TIMM23B: variants seen among roughly 807,000 people sequenced by gnomAD.
TIMM23B encodes mitochondrial import inner membrane translocase subunit Tim23B.
TIMM23B carries 27 observed loss-of-function variants against 27.3 expected under a neutral mutation model. The observed-to-expected ratio is 0.99, with a 90% CI of 0.73 to 1.36. The LOEUF (loss-of-function observed/expected upper bound fraction) is 1.36. TIMM23B is among the 40% of genes most tolerant of loss of function. TIMM23B has a pLI of 0.00. For missense variants in TIMM23B, 205 were observed against 244.2 expected (o/e 0.84, Z 1.07); for synonymous variants, 73 against 92.4 (o/e 0.79, Z 1.21).
At chr10:49,960,748 GGAAA>G (rs1839869554) in intron 6 of TIMM23B, among the ~76,000 whole-genome samples, 1 of 151,912 alleles carries the variant, frequency 6.6e-6, no homozygotes, top group African/African-American at 2.4e-5. Flanking sequence ...TCTAGAAAAG[GGAAA>G]GAAGTAATAA....
intron 2 of TIMM23B, among the ~76,000 whole-genome samples, chr10:49,951,872 A>G (rs1839541231): frequency 6.6e-6 from 1 of 152,238 alleles, no homozygotes; most frequent in Non-Finnish European, 1.5e-5. Flanking sequence ...ACTTTTGCAC[A>G]AATCTATCAG....
rs1409795807 is a variant in TIMM23B, at chr10:49,952,187, C to T, written c.227C>T (p.Ala76Val). Residue 76 changes from alanine (A) to valine (V), a missense_variant, in exon 3 of 7, where the codon GCC becomes GTC. Physicochemically the swap from Ala to Val is moderately conservative, Grantham distance 64 (BLOSUM62 0). Transcript: ENST00000651259. ...ANKTWGRFEL[A>V]FFTIGGCCMT... Reference sequence around the variant, plus strand: ...AAAACCTGGGGCAGATTTGAGCTGGCCTTCTTTACGATTGGAGGGTGTTGC... The same window carrying T: ...AAAACCTGGGGCAGATTTGAGCTGGTCTTCTTTACGATTGGAGGGTGTTGC... 2.7e-5 allele frequency: 44 copies of T among 1,605,626 alleles called. No individual in the cohort carries two copies. In the South Asian group the frequency reaches 4.8e-4, roughly 18 times the overall value.
chr10:49,955,279 A>T (rs1475689116), intron 5 of TIMM23B, among the ~76,000 whole-genome samples: 1 of 152,218 alleles, frequency 6.6e-6, no homozygotes. Flanking sequence ...CCATTTCTGA[A>T]TTTTTAAAAT....
In TIMM23B at chr10:49,955,079, T is replaced by G; in HGVS notation, c.403+19T>G. 1.9e-6 allele frequency: 3 copies of G among 1,610,522 alleles called. No individual in the cohort carries two copies. Among genetic ancestry groups the G allele is most frequent in the Non-Finnish European group, 2.5e-6 (3 of 1,177,092 alleles). ...TCTCTGGGTAAGTAGAGATCTCGTT[T>G]GATAATAAATTGTTAACTTAAAGAA... On this transcript the variant is annotated intron_variant, in intron 5 of 6. Coordinates refer to ENST00000651259, the MANE Select transcript of TIMM23B (RefSeq NM_001290117.2).
At chr10:49,969,915 T>C (rs28434100) in intron 6 of TIMM23B, 36 of 161,110 alleles carry the variant, frequency 2.2e-4, no homozygotes, top group African/African-American at 8.2e-4. Flanking sequence ...CTCAGCCTGC[T>C]GAGTGCCTGC....
intron 2 of TIMM23B, among the ~76,000 whole-genome samples, chr10:49,950,049 T>C (rs1473850145): frequency 6.6e-6 from 1 of 152,156 alleles, no homozygotes; most frequent in Non-Finnish European, 1.5e-5. Flanking sequence ...ACTACTCTTA[T>C]ATCCTCATTG....
intron 4 of TIMM23B, among the ~76,000 whole-genome samples, chr10:49,954,660 A>G (rs1162948431): frequency 4.0e-5 from 6 of 151,400 alleles, no homozygotes; most frequent in Non-Finnish European, 8.8e-5. Flanking sequence ...GATACATTCC[A>G]GGCTGTCATT....
intron 6 of TIMM23B, among the ~76,000 whole-genome samples, chr10:49,961,530 C>T (rs1166617523): frequency 6.6e-6 from 1 of 151,882 alleles, no homozygotes; most frequent in Non-Finnish European, 1.5e-5. Context: ...CTGTCCTGGG[C>T]TCCCTCACCA....
intron 6 of TIMM23B, among the ~76,000 whole-genome samples, chr10:49,967,485 T>C (rs868913744): frequency 1.3e-3 from 191 of 150,994 alleles, no homozygotes; most frequent in South Asian, 0.011. Flanking sequence ...GTTAGAGTGA[T>C]TTCAGTGTTT....
intron 6 of TIMM23B, among the ~76,000 whole-genome samples, chr10:49,969,063 A>G (rs1464144076): frequency 6.6e-6 from 1 of 150,470 alleles, no homozygotes; most frequent in Non-Finnish European, 1.5e-5. Flanking sequence ...TTGGTATTTT[A>G]TTTTCACCTA....
intron 5 of TIMM23B, 99 bp downstream of exon 5, chr10:49,955,159 A>T: frequency 8.3e-7 from 1 of 1,206,404 alleles, no homozygotes; most frequent in Non-Finnish European, 1.2e-6. Context: ...GTCCTAGGAT[A>T]TGAGACAATT....
intron 6 of TIMM23B, among the ~76,000 whole-genome samples, chr10:49,963,430 A>G (rs2813130): frequency 6.6e-6 from 1 of 152,046 alleles, no homozygotes; most frequent in Admixed American, 6.5e-5. Flanking sequence ...GTGCACTCCA[A>G]CCTGGGCAAT....
At chr10:49,944,133 G>A (rs1475692877) in intron 1 of TIMM23B, among the ~76,000 whole-genome samples, 1 of 152,300 alleles carries the variant, frequency 6.6e-6, no homozygotes, top group Admixed American at 6.5e-5. Flanking sequence ...GGGAATGACA[G>A]CTAATGTAGG....
chr10:49,957,699 C>T (rs1277424929), intron 5 of TIMM23B, among the ~76,000 whole-genome samples: 1 of 152,202 alleles, frequency 6.6e-6, no homozygotes, highest in Non-Finnish European at 1.5e-5. Flanking sequence ...TTCTTTCTCA[C>T]TTTCCTGCAA....
At chr10:49,971,609 C>T (rs1840452967) in intron 6 of TIMM23B, among the ~76,000 whole-genome samples, 1 of 152,136 alleles carries the variant, frequency 6.6e-6, no homozygotes, top group South Asian at 2.1e-4. Flanking sequence ...ATTTATATCC[C>T]TTACTTTATC....
chr10:49,945,233 A>T, intron 2 of TIMM23B, 143 bp downstream of exon 2: 1 of 683,454 alleles, frequency 1.5e-6, no homozygotes, highest in South Asian at 1.9e-5. Flanking sequence ...CCTCACAAAC[A>T]CCAGGAGCTT....
rs1839136818 is a variant in TIMM23B at position 49,942,257 on chromosome 10, C to T, written c.63C>T (p.Ala21=). ...TTGVLAGFFG[A]GEAGYSHADL... is the part of the protein sequence containing the mutation. Reference sequence around the variant, plus strand: ...GGGTATTGGCCGGCTTTTTCGGAGCCGGCGAAGCAGGTTACTCGCACGCGG... The same window carrying T: ...GGGTATTGGCCGGCTTTTTCGGAGCTGGCGAAGCAGGTTACTCGCACGCGG... The change falls in exon 1 of 7, where the codon GCC becomes GCT. Residue 21 remains alanine, a synonymous_variant. Transcript: ENST00000651259. The T allele has an allele frequency of 1.9e-6, 3 of 1,612,576 alleles. No homozygotes were observed. The highest frequency in any genetic ancestry group is 1.7e-5 in the Admixed American group (1 of 59,886).
chr10:49,960,569 C>A (rs1270818320), intron 6 of TIMM23B, among the ~76,000 whole-genome samples: 1 of 151,966 alleles, frequency 6.6e-6, no homozygotes, highest in Non-Finnish European at 1.5e-5. Flanking sequence ...TAGACTGGTA[C>A]TCCCTTGTTT....
At chr10:49,956,402 C>A (rs1309066612) in intron 5 of TIMM23B, among the ~76,000 whole-genome samples, 6 of 137,040 alleles carry the variant, frequency 4.4e-5, no homozygotes, top group African/African-American at 1.6e-4. Context: ...TTTTTTTAAT[C>A]TATTTTTTCT....
Sources: allele counts gnomAD v4.1 joint callset (sites outside exome capture counted in the v4.1 genomes callset), GRCh38; gene constraint gnomAD v4.1.1; transcripts MANE v1.5; gene names NCBI Gene and HGNC (gene_info 2026-07-23, HGNC 2026-07-21).